The following ROR1 variants were observed in gnomAD, a reference collection of about 807,000 sequenced individuals.
ROR1 encodes the protein ROR family WNT receptor 1.
ROR1 carries 19 observed loss-of-function variants against 78.8 expected under a neutral mutation model. The ratio of observed to expected loss-of-function variants is 0.24; its 90% CI spans 0.17 to 0.35. The LOEUF is 0.35. Among genes scored for constraint, ROR1 ranks in the 10% least tolerant of loss-of-function variants. The pLI, the probability that ROR1 is intolerant of heterozygous loss-of-function variation, is 1.00. For missense variants in ROR1, 917 were observed against 1,177.8 expected (o/e 0.78, Z 3.24); for synonymous variants, 386 against 433.6 (o/e 0.89, Z 1.36).
rs531529583 is a variant in ROR1 at position 63,948,419 on chromosome 1, T to C, written c.92-60886T>C. On this transcript the variant is annotated intron_variant, in intron 1 of 8. Transcript: ENST00000371079. Reference sequence around the variant, plus strand: ...AGTTCAATGGAAAGAAGAGAGTTTCTTTTCCTGATAACTGATATTGATAAT... The same window carrying C: ...AGTTCAATGGAAAGAAGAGAGTTTCCTTTCCTGATAACTGATATTGATAAT... Among the ~76,000 whole-genome samples, 28 of 152,246 alleles carry C rather than the reference T, an allele frequency of 1.8e-4. No homozygotes were observed. In the East Asian group the frequency reaches 4.8e-3, roughly 26 times the overall value.
intron 4 of ROR1, among the ~76,000 whole-genome samples, chr1:64,090,141 T>C (rs1647184465): frequency 6.6e-6 from 1 of 152,176 alleles, no homozygotes; most frequent in South Asian, 2.1e-4. Flanking sequence ...ATTAGCAGCA[T>C]GAGAACAGAT....
intron 1 of ROR1, among the ~76,000 whole-genome samples, chr1:63,930,408 G>A (rs537869596): frequency 3.9e-5 from 6 of 152,264 alleles, no homozygotes; most frequent in South Asian, 2.1e-4. Flanking sequence ...AAAAATCATC[G>A]TAAATCTCTT....
intron 2 of ROR1, among the ~76,000 whole-genome samples, chr1:64,039,168 C>T (rs1646726103): frequency 6.6e-6 from 1 of 152,174 alleles, no homozygotes; most frequent in Non-Finnish European, 1.5e-5. Flanking sequence ...TTTTGAAATA[C>T]AGATCTTGCA....
At chr1:64,026,548 C>T (rs979172119) in intron 2 of ROR1, among the ~76,000 whole-genome samples, 16 of 152,082 alleles carry the variant, frequency 1.1e-4, no homozygotes, top group African/African-American at 3.9e-4. Context: ...CAAAATATAT[C>T]TGTACTAGTC....
chr1:63,895,641 A>T (rs1351356961), intron 1 of ROR1, among the ~76,000 whole-genome samples: 1 of 152,170 alleles, frequency 6.6e-6, no homozygotes, highest in East Asian at 1.9e-4. Context: ...GACTGGGCTG[A>T]TAGTGAATTT....
chr1:64,104,782 G>A (rs1647722668), intron 4 of ROR1, among the ~76,000 whole-genome samples: 1 of 152,154 alleles, frequency 6.6e-6, no homozygotes, highest in South Asian at 2.1e-4. Context: ...CCCTGCAAAG[G>A]GCATGATCTC....
At chr1:64,085,206 A>G (rs1306934846) in intron 4 of ROR1, among the ~76,000 whole-genome samples, 2 of 152,204 alleles carry the variant, frequency 1.3e-5, no homozygotes, top group Admixed American at 6.5e-5. Flanking sequence ...GCTGGATGTA[A>G]AAGTGCCAAA....
rs138916450 is a variant in ROR1, at chr1:64,102,489, G to T, written c.483-34880G>T. ...GAGCTTACATTGATGTGTCCAGAGA[G>T]GGAGGTTAAGGAACCCTGGAGATTC... On this transcript the variant is annotated intron_variant, in intron 4 of 8. Transcript: ENST00000371079. Among the ~76,000 whole-genome samples the T allele has an allele frequency of 4.2e-4, 64 of 152,286 alleles. No individual in the cohort carries two copies. The East Asian group carries it at 0.012, about 29-fold the overall frequency.
intron 1 of ROR1, among the ~76,000 whole-genome samples, chr1:63,825,556 A>C (rs964466094): frequency 1.3e-5 from 2 of 152,244 alleles, no homozygotes; most frequent in Non-Finnish European, 2.9e-5. Context: ...GGAGCAGCAG[A>C]ACTTTTGGGG....
chr1:64,083,858 A>T (rs1473605224), intron 4 of ROR1, among the ~76,000 whole-genome samples: 1 of 152,202 alleles, frequency 6.6e-6, no homozygotes, highest in Non-Finnish European at 1.5e-5. Context: ...ATGTGTAAAG[A>T]GAGTGGAGAT....
chr1:64,061,272 TGTTTTTAAGTCACA>T (rs1435723733), intron 4 of ROR1, among the ~76,000 whole-genome samples: 3 of 152,238 alleles, frequency 2.0e-5, no homozygotes, highest in Admixed American at 1.3e-4. Context: ...TTTGATTAGC[TGTTTTTAAGTCACA>T]GAAATGGGTG....
chr1:63,776,211 C>T (rs1644615280), intron 1 of ROR1, among the ~76,000 whole-genome samples: 1 of 152,176 alleles, frequency 6.6e-6, no homozygotes, highest in South Asian at 2.1e-4. Flanking sequence ...GATCATAGCC[C>T]CTTGTGGGGG....
intron 1 of ROR1, among the ~76,000 whole-genome samples, chr1:63,802,516 T>A (rs1051541724): frequency 6.6e-5 from 10 of 151,970 alleles, no homozygotes; most frequent in African/African-American, 1.9e-4. Context: ...AAAATGGAGG[T>A]TCATAGAAGT....
chr1:63,885,539 G>A (rs565891169), intron 1 of ROR1, among the ~76,000 whole-genome samples: 2 of 152,086 alleles, frequency 1.3e-5, no homozygotes, highest in Non-Finnish European at 1.5e-5. Flanking sequence ...AAGTGGGGAC[G>A]TGTGCCCACA....
chr1:63,953,028 C>T (rs1645953265), intron 1 of ROR1, among the ~76,000 whole-genome samples: 2 of 152,182 alleles, frequency 1.3e-5, no homozygotes, highest in South Asian at 4.1e-4. Context: ...TGGCTCTGTC[C>T]TGGGAGAATG....
At chr1:64,070,526 C>G (rs943286158) in intron 4 of ROR1, among the ~76,000 whole-genome samples, 6 of 152,030 alleles carry the variant, frequency 3.9e-5, no homozygotes, top group African/African-American at 9.7e-5. Flanking sequence ...CACCATATTG[C>G]CCAGGCTGGT....
chr1:63,962,715 A>G (rs1212400292), intron 1 of ROR1, among the ~76,000 whole-genome samples: 2 of 152,140 alleles, frequency 1.3e-5, no homozygotes, highest in Middle Eastern at 3.2e-3. Flanking sequence ...TACCTGTGGG[A>G]AAGTCAAAGG....
rs1215407083 is a variant in ROR1, at chr1:64,178,275, G to A, written c.2234G>A (p.Arg745Gln). 13 of 1,614,018 alleles carry A rather than the reference G, an allele frequency of 8.1e-6. No homozygotes were observed. Among genetic ancestry groups the A allele is most frequent in the Middle Eastern group, 1.6e-4 (1 of 6,062 alleles). ...CCAAGATTTAAAGATATTCACGTCC[G>A]GCTTCGGTCCTGGGAGGGACTCTCA... ...RRPRFKDIHV[R>Q]LRSWEGLSSH... Residue 745 changes from arginine (R) to glutamine (Q), a missense_variant, in exon 9 of 9, where the codon CGG becomes CAG. Physicochemically the swap from Arg to Gln is conservative, Grantham distance 43. Coordinates refer to ENST00000371079, the MANE Select transcript of ROR1 (RefSeq NM_005012.4). This position sits in a 1 kb window ranked among gnomAD's most constrained non-coding sequence, Gnocchi z 4.3.
chr1:63,805,954 G>A (rs1644825770), intron 1 of ROR1, among the ~76,000 whole-genome samples: 1 of 152,228 alleles, frequency 6.6e-6, no homozygotes, highest in Admixed American at 6.5e-5. Context: ...AGGAGTTCAA[G>A]GCTGCAGCCC....
Sources: allele counts gnomAD v4.1 joint callset (sites outside exome capture counted in the v4.1 genomes callset), GRCh38; gene constraint gnomAD v4.1.1; non-coding constraint Gnocchi (gnomAD v3.1); transcripts MANE v1.5; gene names NCBI Gene and HGNC (gene_info 2026-07-23, HGNC 2026-07-21).